ACTR2: variants seen among roughly 807,000 people sequenced by gnomAD.
The protein encoded by ACTR2 is actin-related protein 2.
ACTR2 carries 5 observed loss-of-function variants against 50.2 expected under a neutral mutation model. The ratio of observed to expected loss-of-function variants is 0.10; its 90% CI spans 0.05 to 0.21. ACTR2 has a LOEUF of 0.21. Among genes scored for constraint, ACTR2 ranks in the 10% least tolerant of loss-of-function variants. The probability of loss-of-function intolerance (pLI) is 1.00; values close to 1 mark genes in which losing one functional copy is unlikely to be tolerated. For missense variants in ACTR2, 180 were observed against 480.6 expected (o/e 0.37, Z 5.85); for synonymous variants, 140 against 162.9 (o/e 0.86, Z 1.07).
At chr2:65,247,162 C>CAA (rs1257043113) in intron 3 of ACTR2, among the ~76,000 whole-genome samples, 8 of 152,128 alleles carry the variant, frequency 5.3e-5, no homozygotes, top group Admixed American at 6.5e-5. Flanking sequence ...CCTCCCTACT[C>CAA]ACGTGCAAAC....
intron 8 of ACTR2, among the ~76,000 whole-genome samples, chr2:65,266,514 A>G (rs1672375198): frequency 6.6e-6 from 1 of 151,994 alleles, no homozygotes. Flanking sequence ...CAGCCATGGT[A>G]AAGGGTTTGG....
rs1168479125 is a variant in ACTR2, at chr2:65,269,910, C to G, written c.*1176C>G. The G allele has an allele frequency of 2.0e-5, 3 of 152,062 alleles. No homozygotes were observed. Among genetic ancestry groups the G allele is most frequent in the Non-Finnish European group, 4.4e-5 (3 of 67,986 alleles). 9.4% of individuals were successfully genotyped at this position (152,062 alleles called of 1,614,324 possible). A position where few individuals can be genotyped will look rare whatever the true frequency, so the allele number is the denominator to read the frequency against. ...TGTTTAAAATGTTGGCCAAAAAAAT[C>G]AAGATTTAATTTTTTTATTTGTACT... is the stretch of plus-strand genomic sequence containing the variant. On this transcript the variant is annotated 3_prime_UTR_variant, in exon 9 of 9. Coordinates refer to ENST00000260641, the MANE Select transcript of ACTR2 (RefSeq NM_005722.4).
chr2:65,233,201 G>A (rs1403423863), intron 1 of ACTR2, among the ~76,000 whole-genome samples: 2 of 151,976 alleles, frequency 1.3e-5, no homozygotes, highest in African/African-American at 2.4e-5. Flanking sequence ...CTCCATGTTC[G>A]TCAGGCTGGT....
chr2:65,228,019 C>T, intron 1 of ACTR2, 62 bp downstream of exon 1: 1 of 1,442,504 alleles, frequency 6.9e-7, no homozygotes, highest in Non-Finnish European at 9.2e-7. Context: ...GCAGCTGGCG[C>T]ACGGGCCCTC....
At chr2:65,265,201 C>T in intron 8 of ACTR2, 26 bp downstream of exon 8, 1 of 1,613,144 alleles carries the variant, frequency 6.2e-7, no homozygotes, top group East Asian at 2.2e-5. Context: ...TCAACTATTA[C>T]TAACATTCTT....
intron 1 of ACTR2, among the ~76,000 whole-genome samples, chr2:65,236,457 A>C (rs1671740895): frequency 6.6e-6 from 1 of 152,138 alleles, no homozygotes; most frequent in South Asian, 2.1e-4. Flanking sequence ...TGAAAATACC[A>C]AATTTTTATG....
At chr2:65,229,935 A>C (rs1671604395) in intron 1 of ACTR2, among the ~76,000 whole-genome samples, 1 of 152,170 alleles carries the variant, frequency 6.6e-6, no homozygotes, top group Non-Finnish European at 1.5e-5. Context: ...ACAAACTTGT[A>C]TCCGCATATG....
intron 3 of ACTR2, among the ~76,000 whole-genome samples, chr2:65,248,663 GAA>G (rs1369073832): frequency 1.3e-5 from 2 of 152,136 alleles, no homozygotes; most frequent in Non-Finnish European, 2.9e-5. Flanking sequence ...GTTCAACAAA[GAA>G]GAGGGTAGAC....
chr2:65,268,670 C>A lies in ACTR2; in HGVS notation c.1121C>A (p.Thr374Asn), dbSNP rs1480873108. The A allele has an allele frequency of 5.6e-6, 9 of 1,613,936 alleles. No homozygotes were observed. In the Admixed American group the frequency reaches 1.3e-4, roughly 24 times the overall value. ...IMKDKDNFWM[T>N]RQEYQEKGVR... is the part of the protein sequence containing the mutation. Reference sequence around the variant, plus strand: ...AAAGACAAAGACAACTTTTGGATGACCCGACAAGAGTACCAAGAAAAGGGT... The same window carrying A: ...AAAGACAAAGACAACTTTTGGATGAACCGACAAGAGTACCAAGAAAAGGGT... Residue 374 changes from threonine (T) to asparagine (N), a missense_variant, in exon 9 of 9, where the codon ACC becomes AAC. Thr to Asn is a moderately conservative substitution (Grantham distance 65). Transcript: ENST00000260641.
intron 1 of ACTR2, among the ~76,000 whole-genome samples, chr2:65,236,734 C>G (rs1558620598): frequency 6.6e-6 from 1 of 152,124 alleles, no homozygotes; most frequent in Admixed American, 6.5e-5. Flanking sequence ...GCATGCACCA[C>G]CATACCTGGC....
Position 65,249,138 on chromosome 2 carries a change from A to T in ACTR2, c.376-1889A>T, listed in dbSNP as rs1671996657. ...ATAAGTAATTTTTCAAGGTTCTTTT[A>T]TTTTTGTATATATGAAGTAGAAATT... On this transcript the variant is annotated intron_variant, in intron 3 of 8. Transcript: ENST00000260641. Among the ~76,000 whole-genome samples, 4 of 152,202 alleles carry T rather than the reference A, an allele frequency of 2.6e-5. No homozygotes were observed. In the South Asian group the frequency reaches 6.2e-4, roughly 24 times the overall value.
intron 6 of ACTR2, among the ~76,000 whole-genome samples, chr2:65,256,063 A>T (rs938530919): frequency 6.6e-6 from 1 of 152,218 alleles, no homozygotes; most frequent in Admixed American, 6.5e-5. Flanking sequence ...TTGTCAGATG[A>T]GTTTGAGAAA....
intron 1 of ACTR2, among the ~76,000 whole-genome samples, chr2:65,228,777 T>C (rs1004156444): frequency 6.6e-6 from 1 of 152,126 alleles, no homozygotes; most frequent in East Asian, 1.9e-4. Flanking sequence ...AATTGTAAAA[T>C]CTGACTAAAG....
At chr2:65,245,636 C>T (rs1573155567) in intron 2 of ACTR2, among the ~76,000 whole-genome samples, 1 of 152,082 alleles carries the variant, frequency 6.6e-6, no homozygotes, top group African/African-American at 2.4e-5. Flanking sequence ...TTGAATTTAT[C>T]AACATATGTA....
intron 2 of ACTR2, among the ~76,000 whole-genome samples, chr2:65,243,276 C>CA (rs1573153998): frequency 2.0e-5 from 3 of 151,330 alleles, no homozygotes; most frequent in Non-Finnish European, 2.9e-5. Context: ...GACTCCATCT[C>CA]AAAAAAAAGA....
chr2:65,246,313 G>C, intron 2 of ACTR2: 3 of 404,830 alleles, frequency 7.4e-6, no homozygotes, highest in Non-Finnish European at 1.3e-5. Flanking sequence ...TAAAGGTAAG[G>C]TCAATTTATT....
intron 2 of ACTR2, among the ~76,000 whole-genome samples, chr2:65,240,254 A>G (rs1671815659): frequency 6.6e-6 from 1 of 152,240 alleles, no homozygotes. Context: ...AAGTCCTATT[A>G]CATAATATAA....
intron 2 of ACTR2, 195 bp from the exon 3 acceptor site, chr2:65,246,329 A>C (rs1014763704): frequency 2.2e-6 from 1 of 459,764 alleles, no homozygotes; most frequent in Non-Finnish European, 3.9e-6. Flanking sequence ...TTATTGATTT[A>C]AACCACATTG....
At chr2:65,242,099 C>T in intron 2 of ACTR2, 1 of 1,509,782 alleles carries the variant, frequency 6.6e-7, no homozygotes, top group Non-Finnish European at 9.2e-7. Context: ...GTTTGTTTTC[C>T]ACTTTTGCTT....
Sources: gnomAD v4.1 joint callset for allele counts (sites outside exome capture counted in the v4.1 genomes callset) on GRCh38, gnomAD v4.1.1 for gene constraint, MANE v1.5 for transcripts, NCBI Gene and HGNC (gene_info 2026-07-23, HGNC 2026-07-21) for gene names.